Variants in ANO1 observed in about 807,000 individuals in gnomAD.
The protein encoded by ANO1 is anoctamin 1.
In ANO1, 59 loss-of-function variants were observed where a neutral mutation model predicts 124.0. The ratio of observed to expected loss-of-function variants is 0.48; its 90% CI spans 0.39 to 0.59. The LOEUF is 0.59. ANO1 is among the 20% of genes least tolerant of loss of function. The pLI is 0.00. For synonymous variants in ANO1, 529 were observed against 532.0 expected, an observed-to-expected ratio of 0.99 and a Z score of 0.08; for missense variants, 1,059 against 1,328.0, an observed-to-expected ratio of 0.80 and a Z score of 3.15.
intron 9 of ANO1, among the ~76,000 whole-genome samples, 192 bp downstream of exon 9, chr11:70,124,606 A>C (rs554271237): frequency 1.3e-5 from 2 of 152,336 alleles, no homozygotes. Flanking sequence ...GAAGCAGTTT[A>C]TTCAAATTCC....
At chr11:70,045,142 T>C (rs553718412) in intron 1 of ANO1, among the ~76,000 whole-genome samples, 2 of 151,880 alleles carry the variant, frequency 1.3e-5, no homozygotes, top group Admixed American at 1.3e-4. Context: ...ATAAAGAAAA[T>C]GTGGCAAAGC....
chr11:70,127,012 C>A (rs955102914), intron 10 of ANO1, among the ~76,000 whole-genome samples: 2 of 134,238 alleles, frequency 1.5e-5, no homozygotes, highest in African/African-American at 5.6e-5. Flanking sequence ...GGCCTCGGTA[C>A]AGGCTGGTGC....
intron 1 of ANO1, among the ~76,000 whole-genome samples, chr11:70,085,949 C>T (rs750020591): frequency 2.0e-5 from 3 of 152,252 alleles, no homozygotes; most frequent in Non-Finnish European, 4.4e-5. Context: ...GGGCTCCAGG[C>T]GACCACGTGG....
chr11:70,171,178 G>A (rs1375523242), intron 22 of ANO1, 139 bp downstream of exon 22: 3 of 1,247,296 alleles, frequency 2.4e-6, no homozygotes, highest in Non-Finnish European at 3.3e-6. Context: ...TTGCCGGGTG[G>A]AGCCTGGGGG....
At chr11:69,976,851 G>A in the ANO1 span, among the ~76,000 whole-genome samples, 2 of 152,212 alleles carry the variant, frequency 1.3e-5, no homozygotes, top group South Asian at 2.1e-4. Flanking sequence ...ATTACATGAC[G>A]GCTAAGAATA....
intron 4 of ANO1, among the ~76,000 whole-genome samples, chr11:70,104,715 C>T (rs1455004022): frequency 6.6e-5 from 10 of 152,196 alleles, no homozygotes; most frequent in South Asian, 4.2e-4. Flanking sequence ...CCTCACTGGG[C>T]GGAGCTGGAG....
At chr11:70,132,615 TGCAAACCTAAG>T (rs747032219) in intron 11 of ANO1, among the ~76,000 whole-genome samples, 2 of 152,206 alleles carry the variant, frequency 1.3e-5, no homozygotes, top group Non-Finnish European at 2.9e-5. Context: ...TCCACTGCCA[TGCAAACCTAAG>T]GCACTGGCCT....
At chr11:70,187,649 A>G (rs1204670348) in intron 25 of ANO1, 89 bp from the exon 26 acceptor site, 7 of 1,469,004 alleles carry the variant, frequency 4.8e-6, no homozygotes, top group East Asian at 2.5e-5. Flanking sequence ...GTGGGGTGGC[A>G]CTCCACCAGA....
At chr11:70,159,498 A>T (rs2047959754) in intron 16 of ANO1, among the ~76,000 whole-genome samples, 1 of 152,246 alleles carries the variant, frequency 6.6e-6, no homozygotes. Flanking sequence ...CAAGGGCTTC[A>T]TAGGGTTGAA....
chr11:70,049,688 GT>G (rs1244896398), intron 1 of ANO1, among the ~76,000 whole-genome samples: 2 of 126,950 alleles, frequency 1.6e-5, no homozygotes, highest in African/African-American at 3.2e-5. Flanking sequence ...TGCGGTCTAT[GT>G]TTTTTTGTTT....
chr11:70,152,363 C>A (rs1199467111), intron 12 of ANO1, 87 bp from the exon 13 acceptor site: 64 of 887,936 alleles, frequency 7.2e-5, no homozygotes, highest in Non-Finnish European at 9.5e-5. Context: ...AAAAAGTTGT[C>A]CTTAGTGGAC....
chr11:70,170,106 A>C (rs545406773), intron 21 of ANO1: 13 of 454,508 alleles, frequency 2.9e-5, no homozygotes, highest in African/African-American at 2.6e-4. Flanking sequence ...GTGGGTCCCC[A>C]CCCGGATCCA....
intron 1 of ANO1, among the ~76,000 whole-genome samples, chr11:70,010,070 A>G (rs1284078602): frequency 6.8e-6 from 1 of 147,298 alleles, no homozygotes; most frequent in African/African-American, 2.5e-5. Flanking sequence ...ATGATCTCCA[A>G]CTCCATCCAG....
chr11:69,993,258 A>G (rs543651438), intron 1 of ANO1, among the ~76,000 whole-genome samples: 1 of 152,346 alleles, frequency 6.6e-6, no homozygotes, highest in South Asian at 2.1e-4. Flanking sequence ...ACACTTAATC[A>G]GAATTATTTC....
chr11:70,128,432 C>A (rs1340713420), intron 10 of ANO1, among the ~76,000 whole-genome samples: 2 of 152,214 alleles, frequency 1.3e-5, no homozygotes, highest in Admixed American at 6.5e-5. Context: ...GCCTGGGGGA[C>A]CTCCATCTTC....
intron 10 of ANO1, chr11:70,129,358 C>CT (rs1261749864): frequency 2.0e-5 from 3 of 152,262 alleles, no homozygotes; most frequent in Non-Finnish European, 4.4e-5. Flanking sequence ...CACGGCTTCT[C>CT]TTCACTATCA....
At chr11:70,052,531 CTTTTTTTTTTTTTTTTTTTTTT>C (rs200770702) in intron 1 of ANO1, among the ~76,000 whole-genome samples, 2 of 65,932 alleles carry the variant, frequency 3.0e-5, no homozygotes, top group African/African-American at 5.6e-5. Context: ...TTTTTCTTTT[CTTTTTTTTTTTTTTTTTTTTTT>C]TTTTTTTTTT....
At chr11:70,160,828 G>A (rs1227602007) in intron 16 of ANO1, among the ~76,000 whole-genome samples, 1 of 152,226 alleles carries the variant, frequency 6.6e-6, no homozygotes, top group Non-Finnish European at 1.5e-5. Flanking sequence ...CCGGGAAGAT[G>A]GTAGCACAAA....
chr11:70,036,120 C>T (rs1449150548), intron 1 of ANO1, among the ~76,000 whole-genome samples: 1 of 152,174 alleles, frequency 6.6e-6, no homozygotes, highest in Non-Finnish European at 1.5e-5. Flanking sequence ...ATTCCCTCAC[C>T]ATTAGGAGGC....
Sources: allele counts gnomAD v4.1 joint callset (sites outside exome capture counted in the v4.1 genomes callset), GRCh38; gene constraint gnomAD v4.1.1; transcripts MANE v1.5; gene names NCBI Gene and HGNC (gene_info 2026-07-23, HGNC 2026-07-21).